Variants in TAFA1 observed in about 807,000 individuals in gnomAD.
The protein encoded by TAFA1 is chemokine-like protein TAFA-1.
A neutral mutation model predicts 18.5 loss-of-function variants in TAFA1; 4 were observed. That is an observed-to-expected ratio of 0.22 (90% CI 0.11 to 0.49). The LOEUF (loss-of-function observed/expected upper bound fraction) is 0.49. Ranked by LOEUF, TAFA1 falls within the 20% of genes least tolerant of loss-of-function variation. TAFA1 has a pLI of 0.98. For synonymous variants in TAFA1, 56 were observed against 55.2 expected (o/e 1.01, Z -0.06); for missense variants, 147 against 169.0 (o/e 0.87, Z 0.72).
chr3:68,406,374 G>C lies in TAFA1; in HGVS notation c.119-10906G>C, dbSNP rs187336869. 4.3e-3 allele frequency among the ~76,000 whole-genome samples: 657 copies of C among 152,162 alleles called. 4 individuals are homozygous for C. Among genetic ancestry groups the C allele is most frequent in the Non-Finnish European group, 5.8e-3 (396 of 68,014 alleles). On this transcript the variant is annotated intron_variant, in intron 2 of 4. Transcript: ENST00000478136. Reference sequence around the variant, plus strand: ...GAATAGGGTCAAGGGAGATCCAAAGGGGATTTAAGTCAAGAATATTGCACC... The same window carrying C: ...GAATAGGGTCAAGGGAGATCCAAAGCGGATTTAAGTCAAGAATATTGCACC...
chr3:68,134,893 C>A (rs892756892), intron 2 of TAFA1, among the ~76,000 whole-genome samples: 1 of 152,158 alleles, frequency 6.6e-6, no homozygotes, highest in African/African-American at 2.4e-5. Flanking sequence ...TTAAAAGAAA[C>A]CCCAAATAAT....
chr3:68,098,206 TG>T (rs2065109341), intron 2 of TAFA1, among the ~76,000 whole-genome samples: 2 of 151,946 alleles, frequency 1.3e-5, no homozygotes, highest in Non-Finnish European at 2.9e-5. Flanking sequence ...ATGCATCAAA[TG>T]GGGGAAAAAA....
intron 3 of TAFA1, among the ~76,000 whole-genome samples, chr3:68,421,387 A>G (rs1167064933): frequency 6.6e-6 from 1 of 152,122 alleles, no homozygotes; most frequent in Non-Finnish European, 1.5e-5. Flanking sequence ...GGGCAAGTCT[A>G]TTGTGTTGCT....
intron 3 of TAFA1, among the ~76,000 whole-genome samples, chr3:68,476,375 T>C (rs1451258052): frequency 6.6e-6 from 1 of 152,170 alleles, no homozygotes; most frequent in Non-Finnish European, 1.5e-5. Context: ...CTGTCCTGTT[T>C]AGTACAAAGG....
rs572537433 is a variant in TAFA1, at chr3:68,489,400, G to A, written c.260-49356G>A. Among the ~76,000 whole-genome samples, 5 of 152,196 alleles carry A rather than the reference G, an allele frequency of 3.3e-5. 2 individuals carry two copies. Among genetic ancestry groups the A allele is most frequent in the African/African-American group, 1.2e-4 (5 of 41,528 alleles). ...ATATGAAATTTTTTCATTATTAAAT[G>A]TTTAAAGCTAATTTAATTTAATTTT... On this transcript the variant is annotated intron_variant, in intron 3 of 4. Transcript: ENST00000478136.
chr3:68,431,209 G>A (rs1187783180), intron 3 of TAFA1, among the ~76,000 whole-genome samples: 2 of 151,950 alleles, frequency 1.3e-5, no homozygotes, highest in South Asian at 4.1e-4. Flanking sequence ...TCTATTTTGT[G>A]AAGAAAGAGA....
At chr3:68,401,824 A>C (rs2070499947) in intron 2 of TAFA1, among the ~76,000 whole-genome samples, 1 of 152,116 alleles carries the variant, frequency 6.6e-6, no homozygotes. Flanking sequence ...CCATGAACTG[A>C]AAATGGGGAA....
intron 2 of TAFA1, among the ~76,000 whole-genome samples, chr3:68,238,929 AT>A (rs1343601032): frequency 6.6e-6 from 1 of 152,154 alleles, no homozygotes; most frequent in East Asian, 1.9e-4. Flanking sequence ...GATCTATGGA[AT>A]TCTTTGGGGG....
At chr3:68,136,891 C>T (rs554621433) in intron 2 of TAFA1, among the ~76,000 whole-genome samples, 1 of 152,238 alleles carries the variant, frequency 6.6e-6, no homozygotes, top group East Asian at 1.9e-4. Context: ...CAGTGGTTTG[C>T]TGCAATTTCA....
chr3:68,495,247 A>G (rs13061250), intron 3 of TAFA1, among the ~76,000 whole-genome samples: 32,693 of 152,178 alleles, frequency 0.21, 3,745 homozygotes, highest in African/African-American at 0.27. Flanking sequence ...AGCACTTACT[A>G]TTGAAATACA....
rs1175174572 is a variant in TAFA1 at position 68,231,344 on chromosome 3, A to ATTTTTTTTTT, written c.119-185918_119-185909dup. On this transcript the variant is annotated intron_variant, in intron 2 of 4. Coordinates refer to ENST00000478136, the MANE Select transcript of TAFA1 (RefSeq NM_213609.4). ...ATCTACCCATGCTTTAATCTATTTG[A>ATTTTTTTTTT]TTTTTTTTTTTTTTTTTTTTTTTTT... Among the ~76,000 whole-genome samples the ATTTTTTTTTT allele has an allele frequency of 1.0e-4, 8 of 79,876 alleles. 1 individual carries two copies. Among genetic ancestry groups the ATTTTTTTTTT allele is most frequent in the African/African-American group, 2.0e-4 (4 of 19,764 alleles). The allele number at this position is 79,876 out of a possible 152,430, so 52.4% of individuals were successfully genotyped here. A position where few individuals can be genotyped will look rare whatever the true frequency, so the allele number is the denominator to read the frequency against.
intron 3 of TAFA1, among the ~76,000 whole-genome samples, chr3:68,449,748 G>T (rs2071537648): frequency 6.6e-6 from 1 of 152,064 alleles, no homozygotes; most frequent in African/African-American, 2.4e-5. Context: ...ACATGAGTGT[G>T]GCCATTTATC....
At chr3:68,307,959 A>G (rs2068449693) in intron 2 of TAFA1, among the ~76,000 whole-genome samples, 1 of 152,180 alleles carries the variant, frequency 6.6e-6, no homozygotes, top group African/African-American at 2.4e-5. Flanking sequence ...TTCTGAAATT[A>G]TTATATATTT....
chr3:68,218,680 A>C (rs918099231), intron 2 of TAFA1, among the ~76,000 whole-genome samples: 4 of 152,150 alleles, frequency 2.6e-5, no homozygotes, highest in Non-Finnish European at 4.4e-5. Context: ...CAAAACTTGT[A>C]AGAAAGATCA....
At chr3:68,407,139 T>C (rs1196823522) in intron 2 of TAFA1, among the ~76,000 whole-genome samples, 4 of 152,026 alleles carry the variant, frequency 2.6e-5, no homozygotes, top group Non-Finnish European at 4.4e-5. Context: ...TAGTCCATAC[T>C]GGTGAAAAAA....
chr3:68,485,519 A>T (rs766365075), intron 3 of TAFA1, among the ~76,000 whole-genome samples: 3 of 152,178 alleles, frequency 2.0e-5, no homozygotes, highest in South Asian at 2.1e-4. Flanking sequence ...TTGAAACCCA[A>T]GTTTACTCAC....
At chr3:68,074,126 T>C (rs865924262) in intron 2 of TAFA1, among the ~76,000 whole-genome samples, 1 of 152,198 alleles carries the variant, frequency 6.6e-6, no homozygotes, top group Non-Finnish European at 1.5e-5. Flanking sequence ...CTCATACGGA[T>C]TGCACAATCT....
At chr3:68,330,219 G>A (rs2068843187) in intron 2 of TAFA1, among the ~76,000 whole-genome samples, 1 of 152,148 alleles carries the variant, frequency 6.6e-6, no homozygotes, top group Non-Finnish European at 1.5e-5. Flanking sequence ...TTCTCTTCCA[G>A]GCTTCTTCTA....
chr3:68,389,245 G>A (rs2070173168), intron 2 of TAFA1, among the ~76,000 whole-genome samples: 1 of 152,134 alleles, frequency 6.6e-6, no homozygotes, highest in African/African-American at 2.4e-5. Context: ...AATATAATAT[G>A]TATTTGACAG....
Sources: gnomAD v4.1 joint callset for allele counts (sites outside exome capture counted in the v4.1 genomes callset) on GRCh38, gnomAD v4.1.1 for gene constraint, MANE v1.5 for transcripts, NCBI Gene and HGNC (gene_info 2026-07-23, HGNC 2026-07-21) for gene names.